Variants in NCOR2 observed in about 807,000 individuals in gnomAD.
NCOR2 encodes the protein CTG repeat protein 26.
A neutral mutation model predicts 262.9 loss-of-function variants in NCOR2; 81 were observed. The ratio of observed to expected loss-of-function variants is 0.31; its 90% CI spans 0.26 to 0.37. The LOEUF is 0.37. Ranked by LOEUF, NCOR2 falls within the 10% of genes least tolerant of loss-of-function variation. The pLI is 1.00. For synonymous variants in NCOR2, 1,659 were observed against 1,559.3 expected (o/e 1.06, Z -1.51); for missense variants, 3,385 against 3,621.4 (o/e 0.93, Z 1.68).
intron 1 of NCOR2, among the ~76,000 whole-genome samples, chr12:124,492,815 G>A (rs180864146): frequency 1.3e-5 from 2 of 152,290 alleles, no homozygotes; most frequent in East Asian, 1.9e-4. Context: ...GCTCCACCCT[G>A]CAATATGCCC....
In NCOR2 at chr12:124,483,555, T is replaced by C; in HGVS notation, c.411+41A>G. The C allele has an allele frequency of 4.5e-6, 6 of 1,339,754 alleles. No homozygotes were observed. Among genetic ancestry groups the C allele is most frequent in the East Asian group, 3.5e-5 (1 of 28,620 alleles). 83.0% of individuals were successfully genotyped at this position (1,339,754 alleles called of 1,614,324 possible). The stretch of plus-strand genomic sequence containing the variant: ...ACCCAGCCCAACCAGCAGCAGAACC[T>C]CAAGCGGGAGAGGAGCTCCCAGCTG... On this transcript the variant is annotated intron_variant, in intron 3 of 46. Coordinates refer to ENST00000405201, the Ensembl canonical transcript of NCOR2. This position sits in a 1 kb window ranked among gnomAD's most constrained non-coding sequence, Gnocchi z 6.3.
At chr12:124,340,342 T>C in exon 36 of NCOR2, 1 of 1,612,892 alleles carries the variant, frequency 6.2e-7, no homozygotes, top group Non-Finnish European at 8.5e-7. Flanking sequence ...GACGTGAGGA[T>C]GGACTTTTCC....
chr12:124,341,297 T>C (rs576994696), intron 34 of NCOR2, among the ~76,000 whole-genome samples: 1 of 151,796 alleles, frequency 6.6e-6, no homozygotes, highest in Admixed American at 6.6e-5. Context: ...TGGAGTGCAA[T>C]GGTAAAATCT....
rs556656845 is a variant in NCOR2 at position 124,487,063 on chromosome 12, T to C, written c.106-495A>G. Among the ~76,000 whole-genome samples the C allele has an allele frequency of 5.3e-5, 8 of 152,288 alleles. 1 individual carries two copies. Among genetic ancestry groups the C allele is most frequent in the Admixed American group, 5.2e-4 (8 of 15,308 alleles). On this transcript the variant is annotated intron_variant, in intron 1 of 46. Transcript: ENST00000405201. ...AGCCTGAGGAGCTGAAGCTTGGAAA[T>C]GCAGGCCTGGGAAGACAGGACTGAA...
At chr12:124,448,535 AC>A (rs1406218592) in intron 7 of NCOR2, among the ~76,000 whole-genome samples, 6 of 151,462 alleles carry the variant, frequency 4.0e-5, no homozygotes, top group East Asian at 1.9e-4. Context: ...GCTGAGGATG[AC>A]CCCCCCGCCA....
In NCOR2 at chr12:124,457,588, AAGGAGG is replaced by A. The variant is rs772378649; in HGVS notation, c.706-432_706-427del. 4.0e-5 allele frequency among the ~76,000 whole-genome samples: 6 copies of A among 151,836 alleles called. No individual in the cohort carries two copies. The highest frequency in any genetic ancestry group is 4.2e-4 in the South Asian group (2 of 4,814). ...TCAGAGCTAGTGCAGCCAGCGAGGG[AAGGAGG>A]AGGAGGAGGAGGAGGGAGGGTGAGA... is the stretch of plus-strand genomic sequence containing the variant. On this transcript the variant is annotated intron_variant, in intron 5 of 46. Transcript: ENST00000405201. This position sits in a 1 kb window ranked among gnomAD's most constrained non-coding sequence, Gnocchi z 4.0.
intron 8 of NCOR2, among the ~76,000 whole-genome samples, chr12:124,431,448 ACAGT>A (rs2136357475): frequency 6.6e-6 from 1 of 150,692 alleles, no homozygotes; most frequent in Non-Finnish European, 1.5e-5. Flanking sequence ...AGGCAGACAG[ACAGT>A]CATATAGGCA....
intron 6 of NCOR2, among the ~76,000 whole-genome samples, chr12:124,451,389 G>C (rs2045523823): frequency 6.6e-6 from 1 of 152,186 alleles, no homozygotes; most frequent in Non-Finnish European, 1.5e-5. Flanking sequence ...ACCATACCGG[G>C]TAACTGATAC....
chr12:124,329,468 G>A (rs567936646), intron 44 of NCOR2, among the ~76,000 whole-genome samples: 2 of 151,180 alleles, frequency 1.3e-5, no homozygotes, highest in East Asian at 2.0e-4. Context: ...CAAACAAACA[G>A]ACAAACAAAC....
chr12:124,347,614 G>A (rs1334888014), intron 30 of NCOR2: 7 of 576,600 alleles, frequency 1.2e-5, no homozygotes, highest in South Asian at 4.4e-5. Context: ...AGGGGTGATC[G>A]GTGGTATTTT....
chr12:124,505,625 G>A (rs950125584), intron 1 of NCOR2, among the ~76,000 whole-genome samples: 7 of 152,130 alleles, frequency 4.6e-5, no homozygotes, highest in Non-Finnish European at 7.4e-5. Context: ...GTGACCTTGG[G>A]TGAGGTCCTG....
intron 26 of NCOR2, 132 bp from the exon 29 acceptor site, chr12:124,354,328 T>TC: frequency 8.7e-7 from 1 of 1,150,996 alleles, no homozygotes; most frequent in Non-Finnish European, 1.2e-6. Flanking sequence ...GGAGTCCCCC[T>TC]ACCCCTAAAT....
Position 124,381,382 on chromosome 12 carries a change from C to G in NCOR2, c.2020-2998G>C, listed in dbSNP as rs141010372. 1.2e-3 allele frequency among the ~76,000 whole-genome samples: 177 copies of G among 152,274 alleles called. 1 individual carries two copies. The South Asian group carries it at 0.019, about 16-fold the overall frequency. On this transcript the variant is annotated intron_variant, in intron 17 of 46. Transcript: ENST00000405201. Reference sequence around the variant, plus strand: ...TCCATCATTAGCTCATCCCTCCCACCCCCACCATCAATCACTTTCTACTAC... The same window carrying G: ...TCCATCATTAGCTCATCCCTCCCACGCCCACCATCAATCACTTTCTACTAC...
chr12:124,565,651 C>T (rs1014953657), intron 1 of NCOR2, among the ~76,000 whole-genome samples: 3 of 151,934 alleles, frequency 2.0e-5, no homozygotes, highest in African/African-American at 7.3e-5. Context: ...ATAATAATAC[C>T]GACACAGTAG....
At chr12:124,403,591 C>A (rs552531625) in intron 13 of NCOR2, among the ~76,000 whole-genome samples, 1 of 152,272 alleles carries the variant, frequency 6.6e-6, no homozygotes, top group African/African-American at 2.4e-5. Context: ...CTGAGCCAAG[C>A]GAAATAAAAA....
intron 22 of NCOR2, among the ~76,000 whole-genome samples, chr12:124,359,572 G>A (rs1487763479): frequency 1.3e-5 from 2 of 152,222 alleles, no homozygotes; most frequent in Admixed American, 6.5e-5. Flanking sequence ...TACAGGGCCT[G>A]CCTCACATCT....
intron 3 of NCOR2, among the ~76,000 whole-genome samples, chr12:124,474,533 AAGG>A (rs2046997640): frequency 6.6e-6 from 1 of 152,152 alleles, no homozygotes; most frequent in Non-Finnish European, 1.5e-5. Flanking sequence ...CTCTCAGGAT[AAGG>A]AGGTTAGAAA....
intron 3 of NCOR2, among the ~76,000 whole-genome samples, chr12:124,479,545 C>A (rs983531631): frequency 1.1e-4 from 17 of 151,556 alleles, no homozygotes; most frequent in African/African-American, 3.9e-4. Context: ...ACACCCGCAC[C>A]CACACACAAA....
intron 12 of NCOR2, 103 bp downstream of exon 14, chr12:124,422,398 A>C: frequency 7.2e-7 from 1 of 1,379,404 alleles, no homozygotes; most frequent in East Asian, 2.4e-5. Flanking sequence ...GGGGCCAGGC[A>C]GGCCAGGGCC....
Sources: gnomAD v4.1 joint callset for allele counts (sites outside exome capture counted in the v4.1 genomes callset) on GRCh38, gnomAD v4.1.1 for gene constraint, Gnocchi (gnomAD v3.1) non-coding constraint, MANE v1.5 for transcripts, NCBI Gene and HGNC (gene_info 2026-07-23, HGNC 2026-07-21) for gene names.